Variants in XPOT observed in about 807,000 individuals in gnomAD.
XPOT encodes the protein exportin for tRNA, also known as exportin-T.
XPOT carries 34 observed loss-of-function variants against 128.2 expected under a neutral mutation model. That is an observed-to-expected ratio of 0.27 (90% CI 0.20 to 0.35). The LOEUF (loss-of-function observed/expected upper bound fraction) is 0.35. Among genes scored for constraint, XPOT ranks in the 10% least tolerant of loss-of-function variants. XPOT has a pLI of 1.00. For missense variants in XPOT, 838 were observed against 1,125.3 expected, an observed-to-expected ratio of 0.74 and a Z score of 3.65; for synonymous variants, 348 against 394.3, an observed-to-expected ratio of 0.88 and a Z score of 1.39.
intron 14 of XPOT, 121 bp downstream of exon 14, chr12:64,425,578 C>A: frequency 1.5e-6 from 2 of 1,321,026 alleles, no homozygotes; most frequent in Middle Eastern, 2.4e-4. Context: ...GTGCTTGGCA[C>A]ACACTGAAAG....
In XPOT at chr12:64,437,420, G is replaced by A. The variant is rs138745285; in HGVS notation, c.2733+1746G>A. Among the ~76,000 whole-genome samples the A allele has an allele frequency of 4.2e-3, 645 of 152,318 alleles. 3 individuals carry two copies. Among genetic ancestry groups the A allele is most frequent in the Admixed American group, 0.012 (190 of 15,294 alleles). ...GTGATATTTTTGATGGCCCTTAAAT[G>A]TAGATTGATGGGAGTAATAGGGAGC... On this transcript the variant is annotated intron_variant, in intron 22 of 24. Transcript: ENST00000332707.
chr12:64,420,510 A>G lies in XPOT; in HGVS notation c.832A>G (p.Ser278Gly), dbSNP rs2136019153. 6.2e-7 allele frequency: 1 copy of G among 1,608,886 alleles called. No homozygotes were observed. Among genetic ancestry groups the G allele is most frequent in the East Asian group, 2.2e-5 (1 of 44,796 alleles). The stretch of plus-strand genomic sequence containing the variant: ...AGTATTACAGTCTGCTGGGTTTTTC[A>G]GCATTGACCAGGTTGGTAAATTTAT... ...CQVLQSAGFFSIDQEEDVDFL... is the reference protein window; with the variant it reads ...CQVLQSAGFFGIDQEEDVDFL... Residue 278 changes from serine (S) to glycine (G), a missense_variant, in exon 8 of 25, where the codon AGC (serine) becomes GGC (glycine). Transcript: ENST00000332707.
intron 23 of XPOT, among the ~76,000 whole-genome samples, 165 bp downstream of exon 23, chr12:64,439,480 T>C (rs560813780): frequency 5.7e-4 from 87 of 152,376 alleles, no homozygotes; most frequent in African/African-American, 2.0e-3. Flanking sequence ...AATTATGAGT[T>C]ACTAAGTAAT....
intron 9 of XPOT, among the ~76,000 whole-genome samples, chr12:64,422,693 GT>G (rs771943985): frequency 2.0e-5 from 3 of 152,144 alleles, no homozygotes; most frequent in Non-Finnish European, 4.4e-5. Flanking sequence ...GAGGCCAGGA[GT>G]TTGAGACCAG....
intron 19 of XPOT, 77 bp from the exon 20 acceptor site, chr12:64,434,430 G>A: frequency 2.1e-6 from 2 of 930,582 alleles, no homozygotes; most frequent in Non-Finnish European, 3.4e-6. Flanking sequence ...ACTTGTTAAT[G>A]TATATGAAAA....
intron 15 of XPOT, among the ~76,000 whole-genome samples, chr12:64,426,315 A>C (rs1480348255): frequency 6.9e-6 from 1 of 144,392 alleles, no homozygotes; most frequent in African/African-American, 2.5e-5. Flanking sequence ...AAAAAAAAAG[A>C]AAAAGAAAAT....
intron 4 of XPOT, 130 bp from the exon 5 acceptor site, chr12:64,417,915 GT>G: frequency 1.7e-6 from 1 of 589,486 alleles, no homozygotes; most frequent in African/African-American, 1.9e-5. Flanking sequence ...GGCATTATCA[GT>G]TTATGTTAGG....
Position 64,425,379 on chromosome 12 carries a change from G to T in XPOT, c.1494G>T (p.Val498=). 1.2e-6 allele frequency: 2 copies of T among 1,613,456 alleles called. No homozygotes were observed. The highest frequency in any genetic ancestry group is 1.1e-5 in the South Asian group (1 of 91,034). ...TCAGTTCCTATCAGCATACATCTGT[G>T]ACATTGGAGTTCTTCGAAACTGTTG... The part of the protein sequence containing the change: ...SGVSSYQHTS[V]TLEFFETVVR... The change falls in exon 14 of 25, where the codon GTG becomes GTT. Residue 498 remains valine, a synonymous_variant. Coordinates refer to ENST00000332707, the MANE Select transcript of XPOT (RefSeq NM_007235.6).
chr12:64,428,973 C>T (rs1047195555), intron 16 of XPOT, among the ~76,000 whole-genome samples: 3 of 152,238 alleles, frequency 2.0e-5, no homozygotes, highest in East Asian at 1.9e-4. Context: ...TTTATAACTG[C>T]GCTCATCTGA....
At chr12:64,444,285 C>G (rs1170901031) in intron 23 of XPOT, among the ~76,000 whole-genome samples, 3 of 152,154 alleles carry the variant, frequency 2.0e-5, no homozygotes, top group Non-Finnish European at 4.4e-5. Context: ...GAGCTATGTT[C>G]TCAAAAGTGA....
rs746807182 is a variant in XPOT, at chr12:64,428,107, A to C, written c.1724A>C (p.Glu575Ala). The C allele has an allele frequency of 4.5e-6, 7 of 1,564,442 alleles. No individual in the cohort carries two copies. Among genetic ancestry groups the C allele is most frequent in the Non-Finnish European group, 6.2e-6 (7 of 1,137,094 alleles). Residue 575 changes from glutamate (E) to alanine (A), a missense_variant, in exon 16 of 25, where the codon GAG becomes GCG. Coordinates refer to ENST00000332707, the MANE Select transcript of XPOT (RefSeq NM_007235.6). ...TTGAATAGAATACAAGATTTATTAGAGCTTTCTCCACCTGTAAGTATCTGT... is the reference window on the plus strand; with the variant it reads ...TTGAATAGAATACAAGATTTATTAGCGCTTTCTCCACCTGTAAGTATCTGT... ...DILNRIQDLL[E>A]LSPPENGHQS... is the part of the protein sequence containing the mutation.
chr12:64,410,470 C>T (rs777140235), intron 2 of XPOT, among the ~76,000 whole-genome samples: 24 of 152,168 alleles, frequency 1.6e-4, no homozygotes, highest in Non-Finnish European at 2.8e-4. Flanking sequence ...TTAACACTTA[C>T]CTTAATGATT....
chr12:64,414,826 C>T, intron 2 of XPOT, 81 bp from the exon 3 acceptor site: 1 of 858,934 alleles, frequency 1.2e-6, no homozygotes, highest in Admixed American at 1.9e-5. Context: ...AGGTTTGCAA[C>T]TCTCAGAATA....
intron 1 of XPOT, among the ~76,000 whole-genome samples, chr12:64,409,344 G>A (rs917457940): frequency 4.6e-5 from 7 of 152,116 alleles, no homozygotes; most frequent in African/African-American, 1.7e-4. Flanking sequence ...CATAAATTAG[G>A]TACTTCTACT....
chr12:64,430,871 C>T (rs760293288), intron 17 of XPOT, among the ~76,000 whole-genome samples: 1 of 152,092 alleles, frequency 6.6e-6, no homozygotes, highest in Non-Finnish European at 1.5e-5. Context: ...TAGTACAGGC[C>T]TAGTCATAAT....
At chr12:64,433,196 T>C (rs1422966498) in intron 18 of XPOT, among the ~76,000 whole-genome samples, 1 of 152,230 alleles carries the variant, frequency 6.6e-6, no homozygotes, top group African/African-American at 2.4e-5. Context: ...CTCACCCGCC[T>C]TAGCCTCCCA....
At chr12:64,447,072 T>G (rs2136042975) in intron 24 of XPOT, among the ~76,000 whole-genome samples, 1 of 152,222 alleles carries the variant, frequency 6.6e-6, no homozygotes, top group South Asian at 2.1e-4. Flanking sequence ...AAGAGAGAGC[T>G]TGTGCAGGGA....
At position 64,439,250 on chromosome 12, in the gene XPOT, G is replaced by A. The variant is rs1272193653; in HGVS notation, c.2740G>A (p.Glu914Lys). The A allele has an allele frequency of 1.9e-6, 3 of 1,613,854 alleles. No homozygotes were observed. The highest frequency in any genetic ancestry group is 2.5e-6 in the Non-Finnish European group (3 of 1,179,910). ...LKTIHLKRGP[E>K]CVQYLQQEYL... ...AGTATCTTTTAATCTTCAGGGCCCA[G>A]AATGTGTTCAGTATCTTCAACAAGA... The change falls in exon 23 of 25, where the codon GAA (glutamate) becomes AAA (lysine). Residue 914 changes from glutamate (E) to lysine (K), a missense_variant. Physicochemically the swap from Glu to Lys is moderately conservative, Grantham distance 56 (BLOSUM62 1). Coordinates refer to ENST00000332707, the MANE Select transcript of XPOT (RefSeq NM_007235.6).
At position 64,425,882 on chromosome 12, in the gene XPOT, T is replaced by G; in HGVS notation, c.1640T>G (p.Leu547Arg). ...SAKVRSRTAYLFSRFVKSLNK... is the reference protein window; with the variant it reads ...SAKVRSRTAYRFSRFVKSLNK... ...AAAGTTCGGAGCAGGACGGCTTACC[T>G]GTTTTCTAGATTTGTCAAATCTCTC... Residue 547 changes from leucine (L) to arginine (R), a missense_variant, in exon 15 of 25, where the codon CTG becomes CGG. By Grantham distance (102) the Leu-to-Arg change is moderately radical. Coordinates refer to ENST00000332707, the MANE Select transcript of XPOT (RefSeq NM_007235.6). 1 of 1,614,196 alleles carries G rather than the reference T, an allele frequency of 6.2e-7. No individual in the cohort carries two copies. Among genetic ancestry groups the G allele is most frequent in the Non-Finnish European group, 8.5e-7 (1 of 1,180,022 alleles).
Sources: allele counts gnomAD v4.1 joint callset (sites outside exome capture counted in the v4.1 genomes callset), GRCh38; gene constraint gnomAD v4.1.1; transcripts MANE v1.5; gene names NCBI Gene and HGNC (gene_info 2026-07-23, HGNC 2026-07-21).